The following GALNT8 variants were observed in gnomAD, a reference collection of about 807,000 sequenced individuals.
GALNT8 encodes probable polypeptide N-acetylgalactosaminyltransferase 8.
In GALNT8, 66 loss-of-function variants were observed where a neutral mutation model predicts 62.7. The ratio of observed to expected loss-of-function variants is 1.05; its 90% CI spans 0.86 to 1.29. The LOEUF (loss-of-function observed/expected upper bound fraction) is 1.29. GALNT8 is among the 50% of genes most tolerant of loss of function. The pLI is 0.00. For synonymous variants in GALNT8, 288 were observed against 294.3 expected, an observed-to-expected ratio of 0.98 and a Z score of 0.22; for missense variants, 771 against 791.8, an observed-to-expected ratio of 0.97 and a Z score of 0.32.
intron 6 of GALNT8, among the ~76,000 whole-genome samples, chr12:4,758,633 TGTGTGAGA>T (rs770686340): frequency 0.16 from 12,100 of 77,482 alleles, 422 homozygotes; most frequent in Non-Finnish European, 0.21. Flanking sequence ...TGTGTGTGTG[TGTGTGAGA>T]GAGAGAGAGA....
chr12:4,761,811 C>T (rs1372562823), intron 7 of GALNT8, among the ~76,000 whole-genome samples: 1 of 152,094 alleles, frequency 6.6e-6, no homozygotes, highest in African/African-American at 2.4e-5. Flanking sequence ...AGCTCTGGCT[C>T]CGGGCCAGAG....
chr12:4,722,661 A>G (rs1946176222), intron 1 of GALNT8, among the ~76,000 whole-genome samples: 2 of 152,160 alleles, frequency 1.3e-5, no homozygotes, highest in Non-Finnish European at 2.9e-5. Context: ...GGTAACAGGG[A>G]TCAAATGCTG....
At chr12:4,734,377 G>C (rs1049999940) in intron 2 of GALNT8, among the ~76,000 whole-genome samples, 3 of 152,152 alleles carry the variant, frequency 2.0e-5, no homozygotes, top group Non-Finnish European at 2.9e-5. Context: ...ACCCCGCTCA[G>C]ACCTACTGAT....
At chr12:4,725,820 C>T (rs940160809) in intron 1 of GALNT8, among the ~76,000 whole-genome samples, 4 of 152,166 alleles carry the variant, frequency 2.6e-5, no homozygotes, top group Non-Finnish European at 5.9e-5. Context: ...TCCCAAAGTG[C>T]AGGGATTACA....
intron 2 of GALNT8, among the ~76,000 whole-genome samples, chr12:4,732,232 G>C (rs1946224857): frequency 6.6e-6 from 1 of 152,242 alleles, no homozygotes; most frequent in South Asian, 2.1e-4. Flanking sequence ...AGGCAAAATT[G>C]TGATATGAAT....
At chr12:4,762,784 G>C (rs1946378785) in intron 7 of GALNT8, among the ~76,000 whole-genome samples, 1 of 152,212 alleles carries the variant, frequency 6.6e-6, no homozygotes, top group Non-Finnish European at 1.5e-5. Flanking sequence ...GCTGTTAAAA[G>C]AAAAACTTCA....
At chr12:4,729,146 A>G (rs1332411747) in intron 2 of GALNT8, among the ~76,000 whole-genome samples, 1 of 152,102 alleles carries the variant, frequency 6.6e-6, no homozygotes, top group Non-Finnish European at 1.5e-5. Flanking sequence ...TTTTAAAAAT[A>G]TTTTATTTAA....
chr12:4,763,849 C>T (rs1398420734), intron 8 of GALNT8, 103 bp from the exon 9 acceptor site: 1 of 722,394 alleles, frequency 1.4e-6, no homozygotes, highest in Admixed American at 2.0e-5. Context: ...GCTGGTCGTT[C>T]CTGGTGTCCT....
At chr12:4,760,575 C>T (rs980596653) in intron 6 of GALNT8, among the ~76,000 whole-genome samples, 1 of 152,172 alleles carries the variant, frequency 6.6e-6, no homozygotes, top group African/African-American at 2.4e-5. Flanking sequence ...CCACATTGCC[C>T]TTTGTCTAGC....
chr12:4,745,725 C>A (rs192055532), intron 5 of GALNT8, 99 bp downstream of exon 5: 5 of 865,512 alleles, frequency 5.8e-6, no homozygotes, highest in African/African-American at 3.3e-5. Context: ...ATTGGGGTGA[C>A]GTGGAAGGAG....
In GALNT8 at chr12:4,772,710, A is replaced by G. The variant is rs1293891180; in HGVS notation, c.*113A>G. 1 of 834,316 alleles carries G rather than the reference A, an allele frequency of 1.2e-6. No individual in the cohort carries two copies. Among genetic ancestry groups the G allele is most frequent in the Non-Finnish European group, 1.9e-6 (1 of 529,252 alleles). 51.7% of individuals were successfully genotyped at this position (834,316 alleles called of 1,614,324 possible). ...AAAGAAAGCATGTGTATGTCTGTTT[A>G]TGGCGACTTCAGGTGGGGCCTGTGC... On this transcript the variant is annotated 3_prime_UTR_variant, in exon 11 of 11. Coordinates refer to ENST00000252318, the MANE Select transcript of GALNT8 (RefSeq NM_017417.2).
At position 4,726,773 on chromosome 12, in the gene GALNT8, G is replaced by T. The variant is rs113018449; in HGVS notation, c.453G>T (p.Ala151=). ...TCTTCCGGAAGTTTGGTTACAACGC[G>T]TACCTCAGCAACCAGCTGCCTCTCA... is the stretch of plus-strand genomic sequence containing the variant. The part of the protein sequence containing the change: ...QDLFRKFGYN[A]YLSNQLPLNR... The change falls in exon 2 of 11, where the codon GCG becomes GCT. Residue 151 remains alanine, a synonymous_variant. Transcript: ENST00000252318. This position sits in a 1 kb window ranked among gnomAD's most constrained non-coding sequence, Gnocchi z 4.1. 1 of 1,613,878 alleles carries T rather than the reference G, an allele frequency of 6.2e-7. No individual in the cohort carries two copies.
intron 10 of GALNT8, among the ~76,000 whole-genome samples, chr12:4,768,992 T>C (rs1304720248): frequency 1.3e-5 from 2 of 152,182 alleles, no homozygotes; most frequent in East Asian, 3.9e-4. Context: ...CTATGACCCT[T>C]GTGACTCACA....
intron 10 of GALNT8, 60 bp downstream of exon 10, chr12:4,765,606 G>A (rs1049509419): frequency 1.5e-6 from 2 of 1,357,804 alleles, no homozygotes; most frequent in African/African-American, 2.9e-5. Flanking sequence ...TTTTGAGACT[G>A]AGTCTTGCTC....
chr12:4,767,700 G>C (rs1267869790), intron 10 of GALNT8, among the ~76,000 whole-genome samples: 1 of 152,200 alleles, frequency 6.6e-6, no homozygotes, highest in East Asian at 1.9e-4. Context: ...GCATCTGGCA[G>C]ACCTAGGGTG....
intron 6 of GALNT8, among the ~76,000 whole-genome samples, chr12:4,753,480 T>C (rs1946331031): frequency 6.6e-6 from 1 of 152,198 alleles, no homozygotes; most frequent in African/African-American, 2.4e-5. Context: ...TTCTTCAGTA[T>C]GCCAGTTGCA....
chr12:4,739,321 G>T lies in GALNT8; in HGVS notation c.668G>T (p.Ser223Ile), dbSNP rs554342354. Reference sequence around the variant, plus strand: ...GAAATCATCTTGGTGGATGATTTCAGCTCAAATGGTGAGCAACGTGATCAA... The same window carrying T: ...GAAATCATCTTGGTGGATGATTTCATCTCAAATGGTGAGCAACGTGATCAA... The part of the protein sequence containing the change: ...LKEIILVDDF[S>I]SNGELKVHLD... Residue 223 changes from serine to isoleucine, a missense_variant, in exon 3 of 11, where the codon AGC becomes ATC. Coordinates refer to ENST00000252318, the MANE Select transcript of GALNT8 (RefSeq NM_017417.2). 2.3e-5 allele frequency: 37 copies of T among 1,612,230 alleles called. No homozygotes were observed. In the South Asian group the frequency reaches 3.9e-4, roughly 17 times the overall value.
At chr12:4,728,229 A>C (rs1359601299) in intron 2 of GALNT8, among the ~76,000 whole-genome samples, 1 of 147,728 alleles carries the variant, frequency 6.8e-6, no homozygotes, top group Non-Finnish European at 1.5e-5. Flanking sequence ...TTTTTTTATT[A>C]TTGAGTTGCA....
At chr12:4,736,796 A>G (rs913735481) in intron 2 of GALNT8, among the ~76,000 whole-genome samples, 4 of 152,304 alleles carry the variant, frequency 2.6e-5, no homozygotes, top group East Asian at 1.9e-4. Context: ...TTTTAATAAG[A>G]AATTATGAGA....
Sources: allele counts gnomAD v4.1 joint callset (sites outside exome capture counted in the v4.1 genomes callset), GRCh38; gene constraint gnomAD v4.1.1; non-coding constraint Gnocchi (gnomAD v3.1); transcripts MANE v1.5; gene names NCBI Gene and HGNC (gene_info 2026-07-23, HGNC 2026-07-21).